The following BRWD1 variants were observed in gnomAD, a reference collection of about 807,000 sequenced individuals.
BRWD1 encodes the protein bromodomain and WD repeat domain containing 1.
BRWD1 carries 82 observed loss-of-function variants against 251.2 expected under a neutral mutation model. That is an observed-to-expected ratio of 0.33 (90% CI 0.27 to 0.39). BRWD1 has a LOEUF of 0.39. Ranked by LOEUF, BRWD1 falls within the 10% of genes least tolerant of loss-of-function variation. The pLI is 1.00. For missense variants in BRWD1, 2,233 were observed against 2,711.6 expected (o/e 0.82, Z 3.92); for synonymous variants, 918 against 902.8 (o/e 1.02, Z -0.30).
chr21:39,218,888 G>T (rs1002683214), intron 29 of BRWD1, among the ~76,000 whole-genome samples: 1 of 152,062 alleles, frequency 6.6e-6, no homozygotes, highest in South Asian at 2.1e-4. Context: ...TTAAAAATAA[G>T]AGTGCCAGTA....
At position 39,194,304 on chromosome 21, in the gene BRWD1, G is replaced by A; in HGVS notation, c.*1955C>T. On this transcript the variant is annotated 3_prime_UTR_variant, in exon 41 of 41. Transcript: ENST00000342449. ...TTTTGCAAATGATGGTAAACATGGA[G>A]TTAAAACCTGAGAACAGATTATAAA... is the stretch of plus-strand genomic sequence containing the variant. The A allele has an allele frequency of 1.0e-6, 1 of 995,392 alleles. No individual in the cohort carries two copies. Among genetic ancestry groups the A allele is most frequent in the Non-Finnish European group, 1.2e-6 (1 of 835,274 alleles). 61.7% of individuals were successfully genotyped at this position (995,392 alleles called of 1,614,324 possible).
chr21:39,200,974 ACT>A (rs1406153648), intron 38 of BRWD1, among the ~76,000 whole-genome samples: 2 of 152,060 alleles, frequency 1.3e-5, no homozygotes, highest in South Asian at 2.1e-4. Flanking sequence ...ACAGAAAGAG[ACT>A]CTGTCTCAAA....
chr21:39,214,424 T>G (rs2032795515), intron 32 of BRWD1, among the ~76,000 whole-genome samples: 1 of 151,878 alleles, frequency 6.6e-6, no homozygotes, highest in Non-Finnish European at 1.5e-5. Context: ...CTCTATAAAA[T>G]AAGTAACATA....
Position 39,187,365 on chromosome 21 carries a change from AT to A in BRWD1, c.*8893del. The A allele has an allele frequency of 6.2e-7, 1 of 1,609,188 alleles. No homozygotes were observed. Among genetic ancestry groups the A allele is most frequent in the Non-Finnish European group, 8.5e-7 (1 of 1,178,758 alleles). On this transcript the variant is annotated 3_prime_UTR_variant, in exon 41 of 41. Coordinates refer to ENST00000342449, the MANE Select transcript of BRWD1 (RefSeq NM_033656.4). ...GCATCTGCACTGCATCCTTCTGATT[AT>A]GCATACATGTTCTCACTTTTGTATT...
intron 29 of BRWD1, among the ~76,000 whole-genome samples, chr21:39,224,178 G>A (rs2033290812): frequency 6.6e-6 from 1 of 152,170 alleles, no homozygotes; most frequent in South Asian, 2.1e-4. Flanking sequence ...AGGGTTACAT[G>A]AGAAACGACA....
In BRWD1 at chr21:39,210,917, T is replaced by TC; in HGVS notation, c.3912dup (p.Lys1305GlufsTer11). 6.2e-7 allele frequency: 1 copy of TC among 1,611,456 alleles called. No individual in the cohort carries two copies. On this transcript the variant is annotated frameshift_variant, in exon 35 of 41. Coordinates refer to ENST00000342449, the MANE Select transcript of BRWD1 (RefSeq NM_033656.4). LOFTEE classifies it high-confidence loss of function. ...TAGTTCGTAGCTCTGATGCTTTTTT[T>TC]CCCATCATGGACCTAAAAATACATT...
chr21:39,193,802 C>CTGT lies in BRWD1; in HGVS notation c.*2456_*2457insACA. ...TTTGCATAACGTAGAAAAAAAAGGCCAAACATGTTCTAGTGCTCAATGTAA... is the reference window on the plus strand; with the variant it reads ...TTTGCATAACGTAGAAAAAAAAGGCCTGTAAACATGTTCTAGTGCTCAATGTAA... On this transcript the variant is annotated 3_prime_UTR_variant, in exon 41 of 41. Transcript: ENST00000342449. 1.0e-6 allele frequency: 1 copy of CTGT among 985,384 alleles called. No individual in the cohort carries two copies. The highest frequency in any genetic ancestry group is 1.2e-6 in the Non-Finnish European group (1 of 829,652). 61.0% of individuals were successfully genotyped at this position (985,384 alleles called of 1,614,324 possible).
At chr21:39,244,361 G>A (rs531391048) in intron 21 of BRWD1, among the ~76,000 whole-genome samples, 1 of 152,258 alleles carries the variant, frequency 6.6e-6, no homozygotes, top group Non-Finnish European at 1.5e-5. Flanking sequence ...ACTGCACCCG[G>A]CCCATGCTGC....
intron 29 of BRWD1, among the ~76,000 whole-genome samples, chr21:39,222,839 T>C (rs1388616276): frequency 6.6e-6 from 1 of 152,182 alleles, no homozygotes; most frequent in Non-Finnish European, 1.5e-5. Flanking sequence ...ATGGAAAAAG[T>C]ATTTACTTTA....
In BRWD1 at chr21:39,187,658, A is replaced by G; in HGVS notation, c.*8601T>C. 2.0e-6 allele frequency: 2 copies of G among 985,420 alleles called. No homozygotes were observed. Among genetic ancestry groups the G allele is most frequent in the Non-Finnish European group, 2.4e-6 (2 of 829,892 alleles). 61.0% of individuals were successfully genotyped at this position (985,420 alleles called of 1,614,324 possible). ...TAGCAGACTTGTAAGAATGGGGTGA[A>G]AAGTTCCTTCAGCATCGGCATCATA... On this transcript the variant is annotated 3_prime_UTR_variant, in exon 41 of 41. Coordinates refer to ENST00000342449, the MANE Select transcript of BRWD1 (RefSeq NM_033656.4).
chr21:39,186,914 T>C lies in BRWD1; in HGVS notation c.*9345A>G, dbSNP rs2031267384. On this transcript the variant is annotated 3_prime_UTR_variant, in exon 41 of 41. Transcript: ENST00000342449. Reference sequence around the variant, plus strand: ...CACTGGATTATGGCTTTTAGAAAATTCCTCCAAAGATGCCAATAAGGGAGT... The same window carrying C: ...CACTGGATTATGGCTTTTAGAAAATCCCTCCAAAGATGCCAATAAGGGAGT... The C allele has an allele frequency of 6.8e-7, 1 of 1,477,278 alleles. No individual in the cohort carries two copies. The highest frequency in any genetic ancestry group is 1.4e-5 in the African/African-American group (1 of 70,122). The allele number at this position is 1,477,278 out of a possible 1,614,324, so 91.5% of individuals were successfully genotyped here.
chr21:39,228,161 A>G (rs2033458343), intron 27 of BRWD1, among the ~76,000 whole-genome samples: 1 of 152,002 alleles, frequency 6.6e-6, no homozygotes, highest in Non-Finnish European at 1.5e-5. Flanking sequence ...AGTGGCGCAC[A>G]CCTGTAATCC....
At position 39,189,481 on chromosome 21, in the gene BRWD1, AG is replaced by A. The variant is rs1470395932; in HGVS notation, c.*6777del. On this transcript the variant is annotated 3_prime_UTR_variant, in exon 41 of 41. Coordinates refer to ENST00000342449, the MANE Select transcript of BRWD1 (RefSeq NM_033656.4). ...AATAATGGAAAAGTTAAGATTCTGC[AG>A]GAAAAAAAAAACTAAAATCAGGTTT... 1.2e-5 allele frequency: 12 copies of A among 969,596 alleles called. No homozygotes were observed. The highest frequency in any genetic ancestry group is 6.2e-5 in the Admixed American group (1 of 16,230). The allele number at this position is 969,596 out of a possible 1,614,324, so 60.1% of individuals were successfully genotyped here.
rs2146434042 is a variant in BRWD1, at chr21:39,188,709, C to T, written c.*7550G>A. The T allele has an allele frequency of 1.0e-6, 1 of 985,418 alleles. No individual in the cohort carries two copies. Among genetic ancestry groups the T allele is most frequent in the Non-Finnish European group, 1.2e-6 (1 of 829,914 alleles). 61.0% of individuals were successfully genotyped at this position (985,418 alleles called of 1,614,324 possible). A position where few individuals can be genotyped will look rare whatever the true frequency, so the allele number is the denominator to read the frequency against. ...TTCCCTAAGTCTATGAAACTGATTT[C>T]ACACTTCTCTAAGATCAGTTGAGCG... is the stretch of plus-strand genomic sequence containing the variant. On this transcript the variant is annotated 3_prime_UTR_variant, in exon 41 of 41. Transcript: ENST00000342449.
chr21:39,262,060 T>C (rs544326329), intron 17 of BRWD1, among the ~76,000 whole-genome samples: 2 of 152,276 alleles, frequency 1.3e-5, no homozygotes, highest in East Asian at 3.9e-4. Context: ...ACAAAAAATA[T>C]TTTCAGAGAT....
downstream of BRWD1, chr21:39,185,392 C>T (rs2031175492): frequency 6.9e-6 from 1 of 144,152 alleles, no homozygotes; most frequent in South Asian, 2.3e-4. Flanking sequence ...ACATAATATA[C>T]TCAATAAATA....
rs1199306647 is a variant in BRWD1 at position 39,187,405 on chromosome 21, C to G, written c.*8854G>C. On this transcript the variant is annotated 3_prime_UTR_variant, in exon 41 of 41. Transcript: ENST00000342449. ...CACTTTTGTATTGGGTTCTCTGTCT[C>G]TAGGAACAAATTCTGAAAAATGAGT... 4 of 1,554,652 alleles carry G rather than the reference C, an allele frequency of 2.6e-6. No homozygotes were observed. Among genetic ancestry groups the G allele is most frequent in the Non-Finnish European group, 2.6e-6 (3 of 1,154,106 alleles).
chr21:39,247,857 T>A, intron 20 of BRWD1, 25 bp from the exon 21 acceptor site: 1 of 1,572,360 alleles, frequency 6.4e-7, no homozygotes, highest in Non-Finnish European at 8.6e-7. Context: ...AACATGCGAA[T>A]GAAAATCAAC....
At chr21:39,297,299 G>A (rs2146759045) in intron 5 of BRWD1, 1 of 985,418 alleles carries the variant, frequency 1.0e-6, no homozygotes, top group South Asian at 4.7e-5. Flanking sequence ...TTACATGAAT[G>A]GATTCATTAC....
Sources: allele counts gnomAD v4.1 joint callset (sites outside exome capture counted in the v4.1 genomes callset), GRCh38; gene constraint gnomAD v4.1.1; transcripts MANE v1.5; gene names NCBI Gene and HGNC (gene_info 2026-07-23, HGNC 2026-07-21).